MAN1A1: variants seen among roughly 807,000 people sequenced by gnomAD.
MAN1A1 encodes the protein mannosyl-oligosaccharide 1,2-alpha-mannosidase IA.
A neutral mutation model predicts 70.8 loss-of-function variants in MAN1A1; 29 were observed. The ratio of observed to expected loss-of-function variants is 0.41; its 90% CI spans 0.31 to 0.56. MAN1A1 has a LOEUF of 0.56. MAN1A1 is among the 20% of genes least tolerant of loss of function. MAN1A1 has a pLI of 0.29. For missense variants in MAN1A1, 747 were observed against 841.3 expected (o/e 0.89, Z 1.39); for synonymous variants, 349 against 330.1 (o/e 1.06, Z -0.62).
chr6:119,349,263 C>A lies in MAN1A1; in HGVS notation c.-198G>T. On this transcript the variant is annotated 5_prime_UTR_variant, in exon 2 of 13. Transcript: ENST00000368468. ...GCGGCTCCTCGGGCACACAGGCACG[C>A]GCGACAGACCGCTGGCTGCAGCCCC... is the stretch of plus-strand genomic sequence containing the variant. The A allele has an allele frequency of 2.5e-6, 3 of 1,213,104 alleles. No homozygotes were observed. Among genetic ancestry groups the A allele is most frequent in the Non-Finnish European group, 3.1e-6 (3 of 976,556 alleles). 75.1% of individuals were successfully genotyped at this position (1,213,104 alleles called of 1,614,324 possible). A position where few individuals can be genotyped will look rare whatever the true frequency, so the allele number is the denominator to read the frequency against.
At chr6:119,250,646 C>CTGTGTGTGTGTGTG (rs758137917) in intron 5 of MAN1A1, among the ~76,000 whole-genome samples, 6 of 103,646 alleles carry the variant, frequency 5.8e-5, no homozygotes, top group African/African-American at 2.2e-4. Context: ...CTTGTTCTCT[C>CTGTGTGTGTGTGTG]TCTGTGTGTG....
chr6:119,320,404 C>T (rs1231636850), intron 2 of MAN1A1, among the ~76,000 whole-genome samples: 1 of 152,136 alleles, frequency 6.6e-6, no homozygotes, highest in Non-Finnish European at 1.5e-5. Flanking sequence ...CTAGAGTGAT[C>T]AGCTCAAAAC....
intron 6 of MAN1A1, among the ~76,000 whole-genome samples, chr6:119,216,979 G>A (rs371820211): frequency 1.3e-5 from 2 of 152,132 alleles, no homozygotes; most frequent in Non-Finnish European, 2.9e-5. Context: ...GTTTTGCTAC[G>A]ATAAACAATG....
At chr6:119,285,754 G>A (rs1269590287) in intron 5 of MAN1A1, among the ~76,000 whole-genome samples, 1 of 151,964 alleles carries the variant, frequency 6.6e-6, no homozygotes, top group East Asian at 1.9e-4. Flanking sequence ...TTAGTATTTA[G>A]GCAGGATTTG....
chr6:119,196,569 T>C (rs573534875), intron 8 of MAN1A1, among the ~76,000 whole-genome samples: 12 of 152,314 alleles, frequency 7.9e-5, no homozygotes, highest in African/African-American at 2.2e-4. Context: ...TGAGGTGTAC[T>C]GTAGTCAGTC....
intron 6 of MAN1A1, among the ~76,000 whole-genome samples, chr6:119,233,121 AC>A (rs1161519529): frequency 2.6e-5 from 4 of 152,184 alleles, no homozygotes; most frequent in Non-Finnish European, 5.9e-5. Flanking sequence ...AATTTTGGAT[AC>A]TAGCACCAAA....
rs941863472 is a variant in MAN1A1 at position 119,279,603 on chromosome 6, TCC to T, written c.897+11078_897+11079del. The stretch of plus-strand genomic sequence containing the variant: ...CGTTCACATCAAACATCTCTCCTCT[TCC>T]CCTGAGTCTCAGCAGAAATCCTTGT... On this transcript the variant is annotated intron_variant, in intron 5 of 12. Coordinates refer to ENST00000368468, the MANE Select transcript of MAN1A1 (RefSeq NM_005907.4). Among the ~76,000 whole-genome samples, 9 of 132,484 alleles carry T rather than the reference TCC, an allele frequency of 6.8e-5. No homozygotes were observed. In the South Asian group the frequency reaches 8.2e-4, roughly 12 times the overall value. The allele number at this position is 132,484 out of a possible 152,430, so 86.9% of individuals were successfully genotyped here. A position where few individuals can be genotyped will look rare whatever the true frequency, so the allele number is the denominator to read the frequency against.
intron 8 of MAN1A1, among the ~76,000 whole-genome samples, chr6:119,197,296 C>T (rs1484563557): frequency 6.7e-6 from 1 of 149,780 alleles, no homozygotes; most frequent in African/African-American, 2.5e-5. Flanking sequence ...AGTAAGACTC[C>T]GTCTCCAAAA....
At chr6:119,182,377 G>A (rs1264121705) in intron 11 of MAN1A1, among the ~76,000 whole-genome samples, 5 of 152,046 alleles carry the variant, frequency 3.3e-5, no homozygotes, top group African/African-American at 1.2e-4. Context: ...ATGTGTTTAT[G>A]TTTGCTTTTG....
chr6:119,236,133 T>TAAA (rs367861780), intron 6 of MAN1A1, among the ~76,000 whole-genome samples: 5 of 137,026 alleles, frequency 3.6e-5, no homozygotes, highest in Admixed American at 1.5e-4. Context: ...AGACTCCGTC[T>TAAA]AAAAAAAAAA....
Position 119,199,936 on chromosome 6 carries a change from GA to G in MAN1A1, c.1210+1317del, listed in dbSNP as rs533380926. Among the ~76,000 whole-genome samples the G allele has an allele frequency of 5.8e-3, 837 of 143,504 alleles. 9 individuals are homozygous for G. The highest frequency in any genetic ancestry group is 0.02 in the African/African-American group (785 of 39,128). 94.1% of individuals were successfully genotyped at this position (143,504 alleles called of 152,430 possible). A position where few individuals can be genotyped will look rare whatever the true frequency, so the allele number is the denominator to read the frequency against. On this transcript the variant is annotated intron_variant, in intron 8 of 12. Coordinates refer to ENST00000368468, the MANE Select transcript of MAN1A1 (RefSeq NM_005907.4). ...CAGTGGGACCCTGTCCCACAAAAAA[GA>G]AAAAAAAAAGAAAAAATATGAATAT...
chr6:119,261,123 C>T (rs1273038654), intron 5 of MAN1A1, among the ~76,000 whole-genome samples: 3 of 151,724 alleles, frequency 2.0e-5, no homozygotes, highest in South Asian at 2.1e-4. Flanking sequence ...GGACTACAGG[C>T]GCCTGCCACC....
At chr6:119,256,040 T>C (rs574690787) in intron 5 of MAN1A1, among the ~76,000 whole-genome samples, 10 of 152,330 alleles carry the variant, frequency 6.6e-5, no homozygotes, top group African/African-American at 2.4e-4. Flanking sequence ...GTGTTGCTTA[T>C]TTTCCTGAAA....
At chr6:119,315,524 T>C (rs552928210) in intron 2 of MAN1A1, among the ~76,000 whole-genome samples, 1 of 152,318 alleles carries the variant, frequency 6.6e-6, no homozygotes, top group African/African-American at 2.4e-5. Context: ...AATGGTTCTC[T>C]TTTTTTATGG....
Position 119,349,704 on chromosome 6 carries a change from G to C in MAN1A1, c.-385C>G. ...CAGGTGGGCGAGCGCGCCGACCTGC[G>C]GGCGAATGGCAGCGAGTAGAGCAGC... On this transcript the variant is annotated 5_prime_UTR_variant, in exon 1 of 13. Coordinates refer to ENST00000368468, the MANE Select transcript of MAN1A1 (RefSeq NM_005907.4). The C allele has an allele frequency of 1.0e-6, 1 of 985,812 alleles. No homozygotes were observed. The highest frequency in any genetic ancestry group is 1.2e-6 in the Non-Finnish European group (1 of 830,056). 61.1% of individuals were successfully genotyped at this position (985,812 alleles called of 1,614,324 possible). A position where few individuals can be genotyped will look rare whatever the true frequency, so the allele number is the denominator to read the frequency against.
intron 2 of MAN1A1, among the ~76,000 whole-genome samples, chr6:119,312,517 C>T (rs757699689): frequency 7.9e-5 from 12 of 152,080 alleles, no homozygotes; most frequent in African/African-American, 1.4e-4. Flanking sequence ...CAAGAAAAGA[C>T]GGCAATCTAA....
At chr6:119,230,117 T>C (rs1407018805) in intron 6 of MAN1A1, among the ~76,000 whole-genome samples, 2 of 152,174 alleles carry the variant, frequency 1.3e-5, no homozygotes, top group Non-Finnish European at 2.9e-5. Context: ...TTTAATACTA[T>C]ACCCAACATT....
intron 11 of MAN1A1, among the ~76,000 whole-genome samples, chr6:119,185,359 T>C (rs1389564752): frequency 3.9e-5 from 6 of 152,214 alleles, no homozygotes; most frequent in Non-Finnish European, 8.8e-5. Context: ...TTATTTGACA[T>C]TATTATTAGA....
intron 5 of MAN1A1, among the ~76,000 whole-genome samples, chr6:119,260,114 T>A (rs971554256): frequency 1.3e-5 from 2 of 152,186 alleles, no homozygotes; most frequent in African/African-American, 2.4e-5. Context: ...TATAGAGGGT[T>A]AGATAGTAAA....
Sources: gnomAD v4.1 joint callset for allele counts (sites outside exome capture counted in the v4.1 genomes callset) on GRCh38, gnomAD v4.1.1 for gene constraint, MANE v1.5 for transcripts, NCBI Gene and HGNC (gene_info 2026-07-23, HGNC 2026-07-21) for gene names.